Variants in CD84 observed in about 807,000 individuals in gnomAD.
The protein encoded by CD84 is CD84 molecule.
A neutral mutation model predicts 33.8 loss-of-function variants in CD84; 22 were observed. That is an observed-to-expected ratio of 0.65 (90% CI 0.46 to 0.93). The LOEUF (loss-of-function observed/expected upper bound fraction) is 0.93. CD84 is among the 40% of genes least tolerant of loss of function. The pLI is 0.00. For missense variants in CD84, 400 were observed against 397.6 expected (o/e 1.01, Z -0.05); for synonymous variants, 154 against 145.2 (o/e 1.06, Z -0.44).
In CD84 at chr1:160,553,886, G is replaced by A. The variant is rs766958864; in HGVS notation, c.640+9C>T. 6.2e-7 allele frequency: 1 copy of A among 1,614,194 alleles called. No homozygotes were observed. The highest frequency in any genetic ancestry group is 2.2e-5 in the East Asian group (1 of 44,880). Reference sequence around the variant, plus strand: ...AGACTCACCAGGAGAGATGGGCAGAGCTGGTTACCTGCACAGAGCTGCCGG... The same window carrying A: ...AGACTCACCAGGAGAGATGGGCAGAACTGGTTACCTGCACAGAGCTGCCGG... On this transcript the variant is annotated intron_variant, in intron 3 of 6. Transcript: ENST00000368054.
chr1:160,568,073 G>A (rs1657438314), intron 1 of CD84, among the ~76,000 whole-genome samples: 1 of 152,108 alleles, frequency 6.6e-6, no homozygotes, highest in Admixed American at 6.5e-5. Context: ...TTGAAGTCAG[G>A]CCCTAGTGCT....
intron 5 of CD84, chr1:160,550,689 C>G (rs888857823): frequency 6.1e-6 from 6 of 985,220 alleles, no homozygotes; most frequent in Non-Finnish European, 4.8e-6. Context: ...TAACCTGGAG[C>G]CGGGCCCACT....
At chr1:160,565,861 C>A in intron 1 of CD84, 116 bp from the exon 2 acceptor site, 4 of 770,858 alleles carry the variant, frequency 5.2e-6, no homozygotes, top group South Asian at 2.1e-5. Context: ...CACCCAGTTT[C>A]TTGAGGATGC....
At position 160,548,216 on chromosome 1, in the gene CD84, T is replaced by C. The variant is rs752247093; in HGVS notation, c.*40A>G. 7 of 1,607,376 alleles carry C rather than the reference T, an allele frequency of 4.4e-6. No homozygotes were observed. Among genetic ancestry groups the C allele is most frequent in the South Asian group, 1.1e-5 (1 of 90,896 alleles). ...CCAGGGAACCTGCCAGTATTGGTGG[T>C]TGTAACTCAGTTTCCAGAGGGAGAA... On this transcript the variant is annotated 3_prime_UTR_variant, in exon 7 of 7. Transcript: ENST00000368054.
chr1:160,563,582 C>A (rs1052953047), intron 2 of CD84, among the ~76,000 whole-genome samples: 5 of 151,836 alleles, frequency 3.3e-5, no homozygotes, highest in Admixed American at 2.0e-4. Context: ...ACACTGGGAC[C>A]TGTTGGAGAG....
Position 160,542,004 on chromosome 1 carries a change from T to A in CD84, c.*6252A>T, listed in dbSNP as rs989405016. 2.0e-5 allele frequency: 3 copies of A among 152,176 alleles called. No individual in the cohort carries two copies. Among genetic ancestry groups the A allele is most frequent in the African/African-American group, 7.2e-5 (3 of 41,430 alleles). 9.4% of individuals were successfully genotyped at this position (152,176 alleles called of 1,614,324 possible). On this transcript the variant is annotated 3_prime_UTR_variant, in exon 7 of 7. Transcript: ENST00000368054. ...ACAGGACCTATTCTCTGACTAGATG[T>A]AGAGGGGATCTGGGGTGACAGGGAG...
At chr1:160,579,026 T>A (rs971190974) in intron 1 of CD84, among the ~76,000 whole-genome samples, 1 of 152,182 alleles carries the variant, frequency 6.6e-6, no homozygotes, top group Non-Finnish European at 1.5e-5. Context: ...CACAATTGAA[T>A]GCCAAGAAGA....
intron 1 of CD84, among the ~76,000 whole-genome samples, chr1:160,575,471 T>C (rs1179484346): frequency 6.6e-6 from 1 of 150,656 alleles, no homozygotes; most frequent in African/African-American, 2.5e-5. Flanking sequence ...GGGATTTAGG[T>C]TTACTTGAAT....
intron 4 of CD84, chr1:160,553,092 A>G (rs1288684617): frequency 1.7e-6 from 1 of 579,304 alleles, no homozygotes; most frequent in African/African-American, 1.9e-5. Flanking sequence ...TGGAAAGGTG[A>G]ACACACTCGT....
intron 1 of CD84, among the ~76,000 whole-genome samples, chr1:160,569,445 T>G (rs1003671024): frequency 6.6e-6 from 1 of 152,062 alleles, no homozygotes; most frequent in African/African-American, 2.4e-5. Flanking sequence ...TGAAATGCAC[T>G]ATGCTAGTCT....
intron 1 of CD84, among the ~76,000 whole-genome samples, chr1:160,573,255 T>C (rs1372479804): frequency 2.6e-5 from 4 of 152,164 alleles, no homozygotes; most frequent in South Asian, 2.1e-4. Flanking sequence ...TCTTCAAGGC[T>C]GGGCAAGCAA....
chr1:160,565,869 T>C, intron 1 of CD84, 124 bp from the exon 2 acceptor site: 1 of 741,626 alleles, frequency 1.3e-6, no homozygotes, highest in Non-Finnish European at 2.1e-6. Flanking sequence ...TTCTTGAGGA[T>C]GCCTTTTTTT....
chr1:160,568,322 T>G (rs1227180762), intron 1 of CD84, among the ~76,000 whole-genome samples: 1 of 151,716 alleles, frequency 6.6e-6, no homozygotes, highest in East Asian at 1.9e-4. Context: ...GAAGTGTTGG[T>G]GGGGTATCAA....
At chr1:160,554,608 A>G (rs1045930587) in intron 2 of CD84, among the ~76,000 whole-genome samples, 1 of 152,256 alleles carries the variant, frequency 6.6e-6, no homozygotes, top group Admixed American at 6.5e-5. Context: ...ATAGCACAAA[A>G]AATAGGAAGT....
chr1:160,578,075 A>G lies in CD84; in HGVS notation c.46+1317T>C, dbSNP rs538567103. Among the ~76,000 whole-genome samples the G allele has an allele frequency of 2.0e-5, 3 of 152,284 alleles. No individual in the cohort carries two copies. In the East Asian group the frequency reaches 5.8e-4, roughly 29 times the overall value. ...GATTAACCTTGGAATTAGAAAAACC[A>G]ATGTCTATTTCCAGCTCTACCAATT... is the stretch of plus-strand genomic sequence containing the variant. On this transcript the variant is annotated intron_variant, in intron 1 of 6. Coordinates refer to ENST00000368054, the MANE Select transcript of CD84 (RefSeq NM_003874.4).
intron 1 of CD84, among the ~76,000 whole-genome samples, chr1:160,569,624 A>G (rs905871234): frequency 2.0e-5 from 3 of 152,162 alleles, no homozygotes; most frequent in African/African-American, 7.2e-5. Flanking sequence ...TGGTAGAAAC[A>G]GTGATTACGG....
intron 1 of CD84, among the ~76,000 whole-genome samples, chr1:160,571,676 G>A (rs970859281): frequency 3.3e-5 from 5 of 152,188 alleles, no homozygotes; most frequent in African/African-American, 7.2e-5. Flanking sequence ...GGCTGGGGGG[G>A]AGGAGCTAGG....
chr1:160,553,330 G>A, intron 4 of CD84, 48 bp downstream of exon 4: 2 of 1,613,992 alleles, frequency 1.2e-6, no homozygotes, highest in African/African-American at 1.3e-5. Flanking sequence ...TCAGTCCCAG[G>A]AGGAGAGAAG....
chr1:160,552,558 T>TA lies in CD84; in HGVS notation c.760+819dup, dbSNP rs374040865. ...CTGAGAAAATGGAAGCTTACAATGA[T>TA]AAAAAAACTGGTAGCTGATAAATGG... On this transcript the variant is annotated intron_variant, in intron 4 of 6. Transcript: ENST00000368054. 9.2e-4 allele frequency: 564 copies of TA among 611,974 alleles called. 1 individual carries two copies. The highest frequency in any genetic ancestry group is 1.5e-3 in the Non-Finnish European group (483 of 330,488). The allele number at this position is 611,974 out of a possible 1,614,324, so 37.9% of individuals were successfully genotyped here.
Sources: allele counts gnomAD v4.1 joint callset (sites outside exome capture counted in the v4.1 genomes callset), GRCh38; gene constraint gnomAD v4.1.1; transcripts MANE v1.5; gene names NCBI Gene and HGNC (gene_info 2026-07-23, HGNC 2026-07-21).